SRPRA: variants seen among roughly 807,000 people sequenced by gnomAD.
The protein encoded by SRPRA is signal recognition particle receptor subunit alpha.
Under a neutral mutation model 61.1 loss-of-function variants are expected in SRPRA, and 30 were observed. The observed-to-expected ratio is 0.49, with a 90% CI of 0.37 to 0.67. SRPRA has a LOEUF of 0.67. Among genes scored for constraint, SRPRA ranks in the 30% least tolerant of loss-of-function variants. The pLI is 0.00. For missense variants in SRPRA, 759 were observed against 828.4 expected (o/e 0.92, Z 1.03); for synonymous variants, 324 against 299.7 (o/e 1.08, Z -0.84).
At position 126,268,879 on chromosome 11, in the gene SRPRA, A is replaced by G. The variant is rs1445751243; in HGVS notation, c.-75T>C. The G allele has an allele frequency of 5.5e-5, 68 of 1,244,852 alleles. No homozygotes were observed. The highest frequency in any genetic ancestry group is 7.6e-5 in the Non-Finnish European group (65 of 853,148). 77.1% of individuals were successfully genotyped at this position (1,244,852 alleles called of 1,614,324 possible). ...TTCGCCGCCGCTTCCTGCTGCGCCA[A>G]GCGCGGGACACGTCACACCAGTGGC... On this transcript the variant is annotated 5_prime_UTR_variant, in exon 1 of 14. Coordinates refer to ENST00000332118, the MANE Select transcript of SRPRA (RefSeq NM_003139.4).
chr11:126,262,018 T>G (rs1591534589), downstream of SRPRA: 6 of 1,070,920 alleles, frequency 5.6e-6, no homozygotes, highest in African/African-American at 3.2e-5. Context: ...ATCTCCTGTC[T>G]TGCCTTCTGA....
the SRPRA span, among the ~76,000 whole-genome samples, chr11:126,254,796 C>G: frequency 6.6e-6 from 1 of 152,122 alleles, no homozygotes; most frequent in Non-Finnish European, 1.5e-5. Flanking sequence ...CACTGCACTC[C>G]AGCTTGGGTG....
the SRPRA span, among the ~76,000 whole-genome samples, chr11:126,243,005 A>G: frequency 1.3e-5 from 2 of 152,252 alleles, no homozygotes; most frequent in Non-Finnish European, 2.9e-5. Context: ...ATGTCTGTCC[A>G]TGCAATGTTA....
chr11:126,237,904 T>G, the SRPRA span, among the ~76,000 whole-genome samples: 1 of 151,614 alleles, frequency 6.6e-6, no homozygotes, highest in Admixed American at 6.6e-5. Flanking sequence ...AGGATATCAT[T>G]GTTTTCTTTT....
At chr11:126,245,407 A>C in the SRPRA span, 4 of 152,238 alleles carry the variant, frequency 2.6e-5, no homozygotes. Context: ...ACAGAGCCAC[A>C]GTAACTAAGG....
chr11:126,257,580 C>A, the SRPRA span, among the ~76,000 whole-genome samples: 5 of 147,380 alleles, frequency 3.4e-5, no homozygotes, highest in Non-Finnish European at 7.4e-5. Flanking sequence ...ATACCATGGT[C>A]AGCTATATTC....
the SRPRA span, among the ~76,000 whole-genome samples, chr11:126,238,950 T>C: frequency 6.6e-6 from 1 of 151,570 alleles, no homozygotes; most frequent in Non-Finnish European, 1.5e-5. Flanking sequence ...AATTGTTAAA[T>C]GTTTTATTTT....
the SRPRA span, among the ~76,000 whole-genome samples, chr11:126,244,324 G>A: frequency 6.6e-6 from 1 of 152,184 alleles, no homozygotes; most frequent in Non-Finnish European, 1.5e-5. This position sits in a 1 kb window ranked among gnomAD's most constrained non-coding sequence, Gnocchi z 4.5. Context: ...TGATGATCTA[G>A]TCTATAGAAG....
the SRPRA span, among the ~76,000 whole-genome samples, chr11:126,248,253 G>T: frequency 4.0e-5 from 6 of 150,486 alleles, no homozygotes; most frequent in Non-Finnish European, 7.4e-5. Context: ...ACATGTGACT[G>T]CTAGATCATA....
Position 126,264,686 on chromosome 11 carries a change from T to TCA in SRPRA, c.1526-148_1526-147insTG. The TCA allele has an allele frequency of 3.1e-6, 3 of 970,188 alleles. No individual in the cohort carries two copies. The South Asian group carries it at 5.1e-5, about 17-fold the overall frequency. The allele number at this position is 970,188 out of a possible 1,614,324, so 60.1% of individuals were successfully genotyped here. A position where few individuals can be genotyped will look rare whatever the true frequency, so the allele number is the denominator to read the frequency against. On this transcript the variant is annotated intron_variant, in intron 11 of 13. Coordinates refer to ENST00000332118, the MANE Select transcript of SRPRA (RefSeq NM_003139.4). This position sits in a 1 kb window ranked among gnomAD's most constrained non-coding sequence, Gnocchi z 5.0. Reference sequence around the variant, plus strand: ...CAAGGTAATGTGAGAAAAACTTGATTATATGCTTGGCCATCACCAAACATA... The same window carrying TCA: ...CAAGGTAATGTGAGAAAAACTTGATTCAATATGCTTGGCCATCACCAAACATA...
At position 126,267,815 on chromosome 11, in the gene SRPRA, G is replaced by C; in HGVS notation, c.202-103C>G. 6.6e-7 allele frequency: 1 copy of C among 1,524,916 alleles called. No individual in the cohort carries two copies. The highest frequency in any genetic ancestry group is 8.9e-7 in the Non-Finnish European group (1 of 1,117,760). 94.5% of individuals were successfully genotyped at this position (1,524,916 alleles called of 1,614,324 possible). A position where few individuals can be genotyped will look rare whatever the true frequency, so the allele number is the denominator to read the frequency against. On this transcript the variant is annotated intron_variant, in intron 2 of 13. Coordinates refer to ENST00000332118, the MANE Select transcript of SRPRA (RefSeq NM_003139.4). The surrounding 1 kb of genome is among the most constrained non-coding windows in gnomAD (Gnocchi z 4.2). ...TTTCAGAGATAGGTTCAGCTACCTG[G>C]CCGGTTTCCCTGTCCTGAGAGGCAG... is the stretch of plus-strand genomic sequence containing the variant.
chr11:126,243,440 G>A, the SRPRA span, among the ~76,000 whole-genome samples: 2 of 151,390 alleles, frequency 1.3e-5, no homozygotes, highest in African/African-American at 2.4e-5. Flanking sequence ...CTGCAGTCTC[G>A]GTGACAGAGC....
At position 126,263,892 on chromosome 11, in the gene SRPRA, A is replaced by G; in HGVS notation, c.*24T>C. The G allele has an allele frequency of 6.2e-7, 1 of 1,611,842 alleles. No homozygotes were observed. The highest frequency in any genetic ancestry group is 8.5e-7 in the Non-Finnish European group (1 of 1,179,320). ...AGAAGGGCTTGTGGGGAAAGCGGCGATTTGGTATTGGGCAAGAGCCACGTT... is the reference window on the plus strand; with the variant it reads ...AGAAGGGCTTGTGGGGAAAGCGGCGGTTTGGTATTGGGCAAGAGCCACGTT... On this transcript the variant is annotated 3_prime_UTR_variant, in exon 14 of 14. Coordinates refer to ENST00000332118, the MANE Select transcript of SRPRA (RefSeq NM_003139.4).
At position 126,267,764 on chromosome 11, in the gene SRPRA, T is replaced by A. The variant is rs1011203664; in HGVS notation, c.202-52A>T. ...GATCTGCTTACATACTAGCCTAGAA[T>A]GGAGGGACGCCAACTCAACCCTGGC... is the stretch of plus-strand genomic sequence containing the variant. On this transcript the variant is annotated intron_variant, in intron 2 of 13. Transcript: ENST00000332118. The surrounding 1 kb of genome is among the most constrained non-coding windows in gnomAD (Gnocchi z 4.2). 1.2e-5 allele frequency: 19 copies of A among 1,604,132 alleles called. No individual in the cohort carries two copies. The East Asian group carries it at 3.6e-4, about 30-fold the overall frequency.
the SRPRA span, among the ~76,000 whole-genome samples, chr11:126,252,328 C>T: frequency 1.3e-5 from 2 of 152,170 alleles, no homozygotes; most frequent in South Asian, 2.1e-4. The surrounding 1 kb of genome is among the most constrained non-coding windows in gnomAD (Gnocchi z 4.7). Flanking sequence ...TGACTGTTTA[C>T]CCCATAGGAA....
rs1212396128 is a variant in SRPRA at position 126,265,761 on chromosome 11, C to T, written c.1114G>A (p.Gly372Arg). The T allele has an allele frequency of 5.0e-6, 8 of 1,614,240 alleles. No homozygotes were observed. Among genetic ancestry groups the T allele is most frequent in the Non-Finnish European group, 6.8e-6 (8 of 1,180,052 alleles). ...CTGCTGAACGTCCCCATCACCTTCCCTTCCAACTTGTTGGCAACAGATTCA... is the reference window on the plus strand; with the variant it reads ...CTGCTGAACGTCCCCATCACCTTCCTTTCCAACTTGTTGGCAACAGATTCA... The part of the protein sequence containing the change: ...LCESVANKLE[G>R]KVMGTFSTVT... The change falls in exon 9 of 14, where the codon GGG (glycine) becomes AGG (arginine). Residue 372 changes from glycine to arginine, a missense_variant. Gly to Arg is a moderately radical substitution (Grantham distance 125, BLOSUM62 -2). Coordinates refer to ENST00000332118, the MANE Select transcript of SRPRA (RefSeq NM_003139.4). This position sits in a 1 kb window ranked among gnomAD's most constrained non-coding sequence, Gnocchi z 6.3.
the SRPRA span, among the ~76,000 whole-genome samples, chr11:126,246,721 T>TTGAGCTACC: frequency 6.6e-6 from 1 of 152,158 alleles, no homozygotes; most frequent in Non-Finnish European, 1.5e-5. Flanking sequence ...GATTACAGGC[T>TTGAGCTACC]TGAGCTACCA....
At position 126,268,691 on chromosome 11, in the gene SRPRA, C is replaced by T. The variant is rs149903952; in HGVS notation, c.114G>A (p.Leu38=). The change falls in exon 1 of 14, where the codon CTG becomes CTA. Residue 38 remains leucine, a synonymous_variant. Coordinates refer to ENST00000332118, the MANE Select transcript of SRPRA (RefSeq NM_003139.4). The part of the protein sequence containing the change: ...PVNALIRSVL[L]QERGGNNSFT... ...TCTGATCCCACGGGGACGGTACCTG[C>T]AGCAGCACGGAACGAATCAACGCGT... The T allele has an allele frequency of 1.3e-4, 217 of 1,613,080 alleles. No homozygotes were observed. Among genetic ancestry groups the T allele is most frequent in the Admixed American group, 2.0e-4 (12 of 60,004 alleles).
the SRPRA span, among the ~76,000 whole-genome samples, chr11:126,236,663 T>C: frequency 2.0e-5 from 3 of 152,182 alleles, no homozygotes; most frequent in Non-Finnish European, 4.4e-5. Context: ...ATACTTTCCA[T>C]TACAATGTTT....
Sources: gnomAD v4.1 joint callset for allele counts (sites outside exome capture counted in the v4.1 genomes callset) on GRCh38, gnomAD v4.1.1 for gene constraint, Gnocchi (gnomAD v3.1) non-coding constraint, MANE v1.5 for transcripts, NCBI Gene and HGNC (gene_info 2026-07-23, HGNC 2026-07-21) for gene names.